The following PARP8 variants were observed in gnomAD, a reference collection of about 807,000 sequenced individuals.
PARP8 encodes protein mono-ADP-ribosyltransferase PARP8.
In PARP8, 51 loss-of-function variants were observed where a neutral mutation model predicts 124.1. That is an observed-to-expected ratio of 0.41 (90% CI 0.33 to 0.52). The LOEUF (loss-of-function observed/expected upper bound fraction) is 0.52. Among genes scored for constraint, PARP8 ranks in the 20% least tolerant of loss-of-function variants. PARP8 has a pLI of 0.21. For synonymous variants in PARP8, 391 were observed against 361.5 expected (o/e 1.08, Z -0.93); for missense variants, 860 against 1,018.9 (o/e 0.84, Z 2.12).
chr5:50,793,155 ATTTCTGT>A (rs538796828), intron 10 of PARP8, among the ~76,000 whole-genome samples: 120 of 152,132 alleles, frequency 7.9e-4, no homozygotes, highest in Non-Finnish European at 1.3e-3. Context: ...TGCATATAAC[ATTTCTGT>A]TTTACTCTGT....
In PARP8 at chr5:50,668,073, T is replaced by G; in HGVS notation, c.94T>G (p.Phe32Val). Residue 32 changes from phenylalanine (F) to valine (V), a missense_variant and splice_region_variant, in exon 2 of 26, where the codon TTC (phenylalanine) becomes GTC (valine). This residue lies in a region of PARP8 where 517 missense variants were observed against 544.2 expected (regional missense o/e 0.95). Coordinates refer to ENST00000281631, the MANE Select transcript of PARP8 (RefSeq NM_024615.4). ...TTTGACGGGACTTTCTGTTTCAGATTTCAGATACTCTGACTCCACCTTTAC... is the reference window on the plus strand; with the variant it reads ...TTTGACGGGACTTTCTGTTTCAGATGTCAGATACTCTGACTCCACCTTTAC... ...RAEKDCLFAD[F>V]RYSDSTFTFT... The G allele has an allele frequency of 6.2e-7, 1 of 1,612,072 alleles. No homozygotes were observed. The highest frequency in any genetic ancestry group is 8.5e-7 in the Non-Finnish European group (1 of 1,179,960).
rs182832252 is a variant in PARP8 at position 50,759,531 on chromosome 5, C to G, written c.185-112C>G. ...GAGTTTAATCAAACAGTAGTGTATG[C>G]TTTATGAGAGTTGGAACTAAAGTGA... On this transcript the variant is annotated intron_variant, in intron 3 of 25. Coordinates refer to ENST00000281631, the MANE Select transcript of PARP8 (RefSeq NM_024615.4). 48 of 1,202,476 alleles carry G rather than the reference C, an allele frequency of 4.0e-5. No homozygotes were observed. The African/African-American group carries it at 7.6e-4, about 19-fold the overall frequency. The allele number at this position is 1,202,476 out of a possible 1,614,324, so 74.5% of individuals were successfully genotyped here.
At chr5:50,741,412 A>AT (rs1203886667) in intron 2 of PARP8, among the ~76,000 whole-genome samples, 1 of 152,192 alleles carries the variant, frequency 6.6e-6, no homozygotes, top group Non-Finnish European at 1.5e-5. Context: ...GTGTAAAAAA[A>AT]CCATTTTCTC....
chr5:50,789,559 T>C (rs1660139444), intron 10 of PARP8, among the ~76,000 whole-genome samples: 1 of 152,080 alleles, frequency 6.6e-6, no homozygotes, highest in Admixed American at 6.6e-5. Flanking sequence ...GAACATAGAG[T>C]CTAGATGAGC....
chr5:50,681,608 G>A (rs1308448519), intron 2 of PARP8, among the ~76,000 whole-genome samples: 1 of 152,044 alleles, frequency 6.6e-6, no homozygotes, highest in East Asian at 1.9e-4. Context: ...ACTAGTTGTG[G>A]AGCATTTGCT....
chr5:50,725,273 G>A (rs1756317218), intron 2 of PARP8, among the ~76,000 whole-genome samples: 2 of 151,758 alleles, frequency 1.3e-5, no homozygotes, highest in Admixed American at 1.3e-4. Flanking sequence ...TTGTTTTAAA[G>A]TACTTAAATG....
chr5:50,753,876 T>C (rs1759524646), intron 3 of PARP8, among the ~76,000 whole-genome samples: 1 of 151,610 alleles, frequency 6.6e-6, no homozygotes, highest in Non-Finnish European at 1.5e-5. Context: ...TTTTGCACAG[T>C]TCTATTCATC....
rs1347082159 is a variant in PARP8, at chr5:50,798,309, C to G, written c.1575+1076C>G. Reference sequence around the variant, plus strand: ...CTGCATAATTTTACATTTCCACTGGCAATGTATGACAGATACAGTCTCTAT... The same window carrying G: ...CTGCATAATTTTACATTTCCACTGGGAATGTATGACAGATACAGTCTCTAT... On this transcript the variant is annotated intron_variant, in intron 14 of 25. Coordinates refer to ENST00000281631, the MANE Select transcript of PARP8 (RefSeq NM_024615.4). Among the ~76,000 whole-genome samples, 4 of 152,080 alleles carry G rather than the reference C, an allele frequency of 2.6e-5. No individual in the cohort carries two copies. The East Asian group carries it at 7.7e-4, about 29-fold the overall frequency.
chr5:50,710,537 T>A (rs1754673104), intron 2 of PARP8, among the ~76,000 whole-genome samples: 1 of 152,146 alleles, frequency 6.6e-6, no homozygotes. Context: ...CTTTTTTATT[T>A]AGAAGAATCA....
intron 7 of PARP8, among the ~76,000 whole-genome samples, chr5:50,772,019 C>T (rs139676598): frequency 8.5e-5 from 13 of 152,298 alleles, no homozygotes; most frequent in African/African-American, 3.1e-4. Context: ...TCCCTTTATG[C>T]TTCCCAACCT....
intron 2 of PARP8, among the ~76,000 whole-genome samples, chr5:50,716,089 A>G (rs1755286476): frequency 6.6e-6 from 1 of 152,088 alleles, no homozygotes; most frequent in Admixed American, 6.6e-5. Flanking sequence ...CTGTGATTCA[A>G]ATGATCATGT....
At chr5:50,760,251 C>T (rs1362152136) in intron 4 of PARP8, 41 bp from the exon 5 acceptor site, 3 of 1,397,790 alleles carry the variant, frequency 2.1e-6, no homozygotes, top group South Asian at 2.8e-5. Flanking sequence ...AAATAGCATA[C>T]TAAGTATCAT....
chr5:50,824,039 A>G (rs77712670), intron 17 of PARP8, among the ~76,000 whole-genome samples: 3,346 of 152,318 alleles, frequency 0.022, 122 homozygotes, highest in African/African-American at 0.076. Context: ...GTTTTCTAGA[A>G]TGTACTGTCC....
intron 6 of PARP8, among the ~76,000 whole-genome samples, chr5:50,762,428 C>T (rs905872951): frequency 6.6e-6 from 1 of 151,928 alleles, no homozygotes; most frequent in African/African-American, 2.4e-5. Context: ...TAAAAGAACT[C>T]ATCAGAATTT....
chr5:50,709,668 C>T (rs1754517006), intron 2 of PARP8, among the ~76,000 whole-genome samples: 1 of 151,844 alleles, frequency 6.6e-6, no homozygotes, highest in Non-Finnish European at 1.5e-5. Flanking sequence ...CTTACAGTGT[C>T]TTCACTCTGA....
intron 14 of PARP8, among the ~76,000 whole-genome samples, chr5:50,811,632 C>G (rs1441367415): frequency 6.6e-6 from 1 of 151,790 alleles, no homozygotes; most frequent in Non-Finnish European, 1.5e-5. Flanking sequence ...AGTACATGTG[C>G]ACGAAGTGCA....
intron 3 of PARP8, among the ~76,000 whole-genome samples, chr5:50,753,916 T>C (rs1468326443): frequency 2.0e-5 from 3 of 151,520 alleles, no homozygotes; most frequent in Non-Finnish European, 2.9e-5. Flanking sequence ...TTCATGAAAG[T>C]TCTGGTAATG....
At chr5:50,764,210 C>T (rs1760839350) in intron 7 of PARP8, among the ~76,000 whole-genome samples, 1 of 152,162 alleles carries the variant, frequency 6.6e-6, no homozygotes, top group South Asian at 2.1e-4. Context: ...TACGTCTCCC[C>T]CTGTAGACTG....
chr5:50,841,648 ATAG>A (rs1748194091), intron 25 of PARP8, among the ~76,000 whole-genome samples: 1 of 151,708 alleles, frequency 6.6e-6, no homozygotes, highest in Admixed American at 6.6e-5. Flanking sequence ...ATATTTTTTT[ATAG>A]TAGACTTCGT....
Sources: allele counts gnomAD v4.1 joint callset (sites outside exome capture counted in the v4.1 genomes callset), GRCh38; gene constraint gnomAD v4.1.1; regional missense constraint gnomAD v4.1.1; transcripts MANE v1.5; gene names NCBI Gene and HGNC (gene_info 2026-07-23, HGNC 2026-07-21).